SLIT2: variants seen among roughly 807,000 people sequenced by gnomAD.
The protein encoded by SLIT2 is slit homolog 2 protein.
A neutral mutation model predicts 185.7 loss-of-function variants in SLIT2; 41 were observed. The observed-to-expected ratio is 0.22, with a 90% CI of 0.17 to 0.29. SLIT2 has a LOEUF of 0.29. SLIT2 is among the 10% of genes least tolerant of loss of function. The probability of loss-of-function intolerance (pLI) is 1.00; values close to 1 mark genes in which losing one functional copy is unlikely to be tolerated. For missense variants in SLIT2, 1,571 were observed against 1,909.0 expected (o/e 0.82, Z 3.30); for synonymous variants, 693 against 680.2 (o/e 1.02, Z -0.29).
At chr4:20,472,481 T>TCTATATAG (rs1715451078) in intron 5 of SLIT2, among the ~76,000 whole-genome samples, 3 of 27,218 alleles carry the variant, frequency 1.1e-4, no homozygotes, top group Non-Finnish European at 1.6e-4. Context: ...TATAGATATA[T>TCTATATAG]ATCTATATAT....
chr4:20,318,950 T>C (rs555495298), intron 4 of SLIT2, among the ~76,000 whole-genome samples: 5 of 152,254 alleles, frequency 3.3e-5, no homozygotes, highest in African/African-American at 1.2e-4. Flanking sequence ...CTTAGAGACT[T>C]ATAGACATTT....
intron 11 of SLIT2, among the ~76,000 whole-genome samples, chr4:20,513,552 T>C (rs1410070789): frequency 6.6e-6 from 1 of 152,176 alleles, no homozygotes; most frequent in African/African-American, 2.4e-5. Flanking sequence ...TAGGCCCTAG[T>C]AGAGGGTCTA....
chr4:20,303,249 T>G (rs1717229483), intron 4 of SLIT2, among the ~76,000 whole-genome samples: 1 of 152,236 alleles, frequency 6.6e-6, no homozygotes, highest in South Asian at 2.1e-4. Flanking sequence ...AGAGCCACTC[T>G]CAGTACCCTT....
At chr4:20,613,096 G>A (rs955674121) in intron 34 of SLIT2, among the ~76,000 whole-genome samples, 1 of 152,042 alleles carries the variant, frequency 6.6e-6, no homozygotes, top group Non-Finnish European at 1.5e-5. Flanking sequence ...ACAGTGTGGC[G>A]ATTCCTAAAG....
intron 13 of SLIT2, 25 bp downstream of exon 13, chr4:20,523,928 T>C (rs778087380): frequency 1.2e-6 from 2 of 1,613,522 alleles, no homozygotes; most frequent in Admixed American, 3.3e-5. Context: ...TTTGGATCAC[T>C]TTTGATGACA....
intron 4 of SLIT2, among the ~76,000 whole-genome samples, chr4:20,400,830 G>C (rs183117544): frequency 1.4e-3 from 210 of 151,904 alleles, no homozygotes; most frequent in Non-Finnish European, 2.5e-3. Context: ...TCAGAAGTTT[G>C]AGAAGAATTG....
chr4:20,553,087 AC>A (rs887124992), intron 25 of SLIT2, among the ~76,000 whole-genome samples: 23 of 152,198 alleles, frequency 1.5e-4, no homozygotes, highest in African/African-American at 5.5e-4. Flanking sequence ...AAAGTGACAG[AC>A]AGCACCCAGT....
At chr4:20,546,274 C>T (rs1560183960) in intron 22 of SLIT2, among the ~76,000 whole-genome samples, 175 bp downstream of exon 22, 1 of 152,082 alleles carries the variant, frequency 6.6e-6, no homozygotes, top group Middle Eastern at 3.2e-3. Context: ...GAATATCGAT[C>T]AGGCGATGGA....
At chr4:20,497,085 C>T (rs1288359129) in intron 9 of SLIT2, among the ~76,000 whole-genome samples, 6 of 149,612 alleles carry the variant, frequency 4.0e-5, no homozygotes, top group Non-Finnish European at 7.4e-5. Context: ...TTTCTATTCT[C>T]GGCTGACCAA....
chr4:20,371,657 T>A (rs1279783169), intron 4 of SLIT2, among the ~76,000 whole-genome samples: 1 of 152,044 alleles, frequency 6.6e-6, no homozygotes, highest in Admixed American at 6.6e-5. Flanking sequence ...ACACAGTGCA[T>A]GGTTATGCCA....
At position 20,617,571 on chromosome 4, in the gene SLIT2, T is replaced by C. The variant is rs61746416; in HGVS notation, c.4269T>C (p.His1423=). The C allele has an allele frequency of 2.8e-3, 4,457 of 1,613,756 alleles. 97 individuals carry two copies. In the African/African-American group the frequency reaches 0.052, roughly 19 times the overall value. Residue 1423 remains histidine (H), a synonymous_variant, in exon 36 of 37, where the codon CAT becomes CAC. Transcript: ENST00000504154. The part of the protein sequence containing the change: ...FNPCQAIKCK[H]GKCRLSGLGQ... ...CATGCCAGGCGATCAAGTGCAAGCA[T>C]GGGAAGTGCAGGCTTTCAGGTCTGG...
chr4:20,543,137 G>A (rs148955481), intron 21 of SLIT2, among the ~76,000 whole-genome samples: 22 of 151,844 alleles, frequency 1.4e-4, no homozygotes, highest in African/African-American at 5.3e-4. Flanking sequence ...ATAACTATCT[G>A]GTATATGGAA....
chr4:20,543,007 T>C (rs966185338), intron 21 of SLIT2, among the ~76,000 whole-genome samples: 3 of 152,102 alleles, frequency 2.0e-5, no homozygotes, highest in Non-Finnish European at 4.4e-5. Context: ...TAATGGCCCA[T>C]GGAATGCACT....
intron 4 of SLIT2, among the ~76,000 whole-genome samples, chr4:20,341,432 A>G (rs1476269038): frequency 2.0e-5 from 3 of 152,234 alleles, no homozygotes. Context: ...AGTGTTCACC[A>G]AACACATCTT....
intron 21 of SLIT2, among the ~76,000 whole-genome samples, chr4:20,543,774 A>G (rs1411777338): frequency 6.6e-6 from 1 of 152,198 alleles, no homozygotes; most frequent in Non-Finnish European, 1.5e-5. Context: ...TGCTTAGAAC[A>G]CGGCTCTTAG....
rs756714247 is a variant in SLIT2 at position 20,418,713 on chromosome 4, C to CT, written c.396-49038dup. Reference sequence around the variant, plus strand: ...CTGCATATTAGGATTGAGAACAACTCTAAGTTGTCACATATTGAAATTTGT... The same window carrying CT: ...CTGCATATTAGGATTGAGAACAACTCTTAAGTTGTCACATATTGAAATTTGT... On this transcript the variant is annotated intron_variant, in intron 4 of 36. Coordinates refer to ENST00000504154, the MANE Select transcript of SLIT2 (RefSeq NM_004787.4). Among the ~76,000 whole-genome samples, 137 of 152,264 alleles carry CT rather than the reference C, an allele frequency of 9.0e-4. 3 individuals are homozygous for CT. Among genetic ancestry groups the CT allele is most frequent in the Admixed American group, 7.2e-4 (11 of 15,302 alleles).
intron 4 of SLIT2, among the ~76,000 whole-genome samples, chr4:20,428,315 G>T (rs1231459545): frequency 1.3e-5 from 2 of 152,220 alleles, no homozygotes; most frequent in African/African-American, 4.8e-5. Flanking sequence ...GCGAGATGGA[G>T]CCCTGCCATC....
At chr4:20,407,369 G>C (rs1446750407) in intron 4 of SLIT2, among the ~76,000 whole-genome samples, 2 of 152,146 alleles carry the variant, frequency 1.3e-5, no homozygotes, top group East Asian at 3.9e-4. Flanking sequence ...AGAAACACCG[G>C]TCAATATAAT....
chr4:20,362,705 A>G (rs1399532563), intron 4 of SLIT2, among the ~76,000 whole-genome samples: 1 of 151,920 alleles, frequency 6.6e-6, no homozygotes, highest in Non-Finnish European at 1.5e-5. Context: ...TTTTATATTT[A>G]AAACTATATT....
Sources: allele counts gnomAD v4.1 joint callset (sites outside exome capture counted in the v4.1 genomes callset), GRCh38; gene constraint gnomAD v4.1.1; transcripts MANE v1.5; gene names NCBI Gene and HGNC (gene_info 2026-07-23, HGNC 2026-07-21).